The following PCDH9 variants were observed in gnomAD, a reference collection of about 807,000 sequenced individuals.
PCDH9 encodes the protein protocadherin-9.
Under a neutral mutation model 70.6 loss-of-function variants are expected in PCDH9, and 24 were observed. The observed-to-expected ratio is 0.34, with a 90% CI of 0.25 to 0.48. PCDH9 has a LOEUF of 0.48. Among genes scored for constraint, PCDH9 ranks in the 20% least tolerant of loss-of-function variants. PCDH9 has a pLI of 0.99. For missense variants in PCDH9, 1,281 were observed against 1,503.6 expected, an observed-to-expected ratio of 0.85 and a Z score of 2.45; for synonymous variants, 562 against 558.5, an observed-to-expected ratio of 1.01 and a Z score of -0.09.
intron 3 of PCDH9, among the ~76,000 whole-genome samples, chr13:66,833,845 A>C (rs1485330002): frequency 6.6e-6 from 1 of 152,136 alleles, no homozygotes; most frequent in Non-Finnish European, 1.5e-5. Flanking sequence ...TAAGCAAATT[A>C]TTTACTGTGC....
intron 2 of PCDH9, among the ~76,000 whole-genome samples, chr13:67,030,324 C>T (rs984504868): frequency 1.2e-4 from 18 of 152,122 alleles, no homozygotes; most frequent in Admixed American, 2.0e-4. Flanking sequence ...GAGTAGCTTG[C>T]TTCAACTGAG....
At chr13:66,779,794 C>T (rs1380519194) in intron 3 of PCDH9, among the ~76,000 whole-genome samples, 6 of 147,872 alleles carry the variant, frequency 4.1e-5, no homozygotes, top group Non-Finnish European at 3.0e-5. Flanking sequence ...GTACTCCAGC[C>T]TGGCAACAGA....
intron 4 of PCDH9, among the ~76,000 whole-genome samples, chr13:66,538,548 G>C (rs1255022447): frequency 6.6e-6 from 1 of 152,080 alleles, no homozygotes; most frequent in Admixed American, 6.6e-5. Flanking sequence ...TGGCAGGCTG[G>C]GGACTCAGGG....
chr13:66,981,307 A>G (rs993920818), intron 2 of PCDH9, among the ~76,000 whole-genome samples: 36 of 151,922 alleles, frequency 2.4e-4, no homozygotes, highest in Admixed American at 5.2e-4. Flanking sequence ...GCGTGGTGGC[A>G]GGAGCCTGTA....
chr13:66,699,642 T>C (rs948387122), intron 3 of PCDH9, among the ~76,000 whole-genome samples: 14 of 152,254 alleles, frequency 9.2e-5, no homozygotes, highest in African/African-American at 3.4e-4. Context: ...ATGAAAGGGA[T>C]TCTTTGCCTA....
intron 3 of PCDH9, among the ~76,000 whole-genome samples, chr13:66,680,121 T>A (rs1250541895): frequency 3.3e-5 from 5 of 151,952 alleles, no homozygotes; most frequent in Non-Finnish European, 7.4e-5. Flanking sequence ...TGTCCAAGGC[T>A]TTTTGGAAGT....
At chr13:67,115,961 G>T (rs2086762649) in intron 2 of PCDH9, among the ~76,000 whole-genome samples, 1 of 152,180 alleles carries the variant, frequency 6.6e-6, no homozygotes, top group Admixed American at 6.5e-5. Context: ...GCACTAGTCA[G>T]ATTGCCCAGT....
At chr13:67,195,082 A>T (rs1368960101) in intron 2 of PCDH9, among the ~76,000 whole-genome samples, 1 of 152,152 alleles carries the variant, frequency 6.6e-6, no homozygotes, top group African/African-American at 2.4e-5. Context: ...AACAATGCCT[A>T]TGAAAATACC....
chr13:67,227,965 C>T lies in PCDH9; in HGVS notation c.476G>A (p.Ser159Asn). 3 of 1,614,086 alleles carry T rather than the reference C, an allele frequency of 1.9e-6. No individual in the cohort carries two copies. The highest frequency in any genetic ancestry group is 2.5e-6 in the Non-Finnish European group (3 of 1,180,036). Residue 159 changes from serine (S) to asparagine (N), a missense_variant, in exon 2 of 5, where the codon AGC (serine) becomes AAC (asparagine). Around this residue, in one of 4 missense-constraint regions of PCDH9, gnomAD observed 798 missense variants for 1,003.1 expected, o/e 0.80. Coordinates refer to ENST00000377865, the MANE Select transcript of PCDH9 (RefSeq NM_203487.3). The surrounding 1 kb of genome is among the most constrained non-coding windows in gnomAD (Gnocchi z 4.6). ...TGTTGCTGATGGAATTGGAAAGCGG[C>T]TGTTGATCAAAGTGTTTTCTGGAAT... Reference protein sequence around the residue: ...ISIPENTLINSRFPIPSATDP... With the variant: ...ISIPENTLINNRFPIPSATDP...
At chr13:66,501,559 G>T (rs888153361) in intron 4 of PCDH9, among the ~76,000 whole-genome samples, 10 of 151,820 alleles carry the variant, frequency 6.6e-5, no homozygotes, top group African/African-American at 2.2e-4. Flanking sequence ...TCATCCAAAT[G>T]GTTCTATCAC....
chr13:66,919,608 T>C (rs967363017), intron 2 of PCDH9, among the ~76,000 whole-genome samples: 13 of 151,360 alleles, frequency 8.6e-5, no homozygotes, highest in African/African-American at 2.4e-4. Context: ...TTGGAGAAAC[T>C]GAATATTTGG....
chr13:67,089,032 C>T lies in PCDH9; in HGVS notation c.3036+136373G>A, dbSNP rs76579414. On this transcript the variant is annotated intron_variant, in intron 2 of 4. Transcript: ENST00000377865. ...GCATATTTCCCTTGTATATGCATTGCCTTCATCAAAATTTTTTCACCCAGT... is the reference window on the plus strand; with the variant it reads ...GCATATTTCCCTTGTATATGCATTGTCTTCATCAAAATTTTTTCACCCAGT... Among the ~76,000 whole-genome samples, 726 of 151,932 alleles carry T rather than the reference C, an allele frequency of 4.8e-3. 2 individuals carry two copies. Among genetic ancestry groups the T allele is most frequent in the Non-Finnish European group, 7.9e-3 (533 of 67,874 alleles).
chr13:66,335,379 C>T (rs1008863392), intron 4 of PCDH9, among the ~76,000 whole-genome samples: 5 of 152,182 alleles, frequency 3.3e-5, no homozygotes, highest in South Asian at 2.1e-4. Context: ...TTAGGTATTT[C>T]GTAGCTTGTT....
intron 3 of PCDH9, among the ~76,000 whole-genome samples, chr13:66,780,861 A>T (rs764492872): frequency 6.6e-6 from 1 of 152,150 alleles, no homozygotes; most frequent in Non-Finnish European, 1.5e-5. Context: ...ATATTTTTTG[A>T]CTGAGCGAAT....
intron 4 of PCDH9, among the ~76,000 whole-genome samples, chr13:66,509,122 A>G (rs1051181952): frequency 6.6e-6 from 1 of 152,184 alleles, no homozygotes; most frequent in African/African-American, 2.4e-5. Flanking sequence ...AGTTCTGACC[A>G]ACTTCCCCTC....
chr13:67,205,361 A>G (rs1358621541), intron 2 of PCDH9: 1 of 152,168 alleles, frequency 6.6e-6, no homozygotes, highest in Non-Finnish European at 1.5e-5. Context: ...TTTTAATTAG[A>G]GTAATTGAAA....
At chr13:66,505,004 TC>T (rs1409811999) in intron 4 of PCDH9, among the ~76,000 whole-genome samples, 5 of 152,264 alleles carry the variant, frequency 3.3e-5, no homozygotes, top group Middle Eastern at 3.4e-3. Flanking sequence ...CTGCTACACA[TC>T]CTACACCTTT....
At chr13:66,568,489 C>G (rs1223669700) in intron 4 of PCDH9, among the ~76,000 whole-genome samples, 6 of 144,500 alleles carry the variant, frequency 4.2e-5, no homozygotes, top group Non-Finnish European at 9.0e-5. Flanking sequence ...TTGCACCAGC[C>G]TAAGCAACAT....
At chr13:66,445,721 A>G (rs1224624115) in intron 4 of PCDH9, among the ~76,000 whole-genome samples, 1 of 145,450 alleles carries the variant, frequency 6.9e-6, no homozygotes, top group Non-Finnish European at 1.5e-5. Flanking sequence ...CACATATATA[A>G]TACATACACA....
Sources: gnomAD v4.1 joint callset for allele counts (sites outside exome capture counted in the v4.1 genomes callset) on GRCh38, gnomAD v4.1.1 for gene constraint, gnomAD v4.1.1 regional missense constraint, Gnocchi (gnomAD v3.1) non-coding constraint, MANE v1.5 for transcripts, NCBI Gene and HGNC (gene_info 2026-07-23, HGNC 2026-07-21) for gene names.